KDM2B: variants seen among roughly 807,000 people sequenced by gnomAD.
KDM2B encodes the protein lysine-specific demethylase 2B.
In KDM2B, 26 loss-of-function variants were observed where a neutral mutation model predicts 150.0. That is an observed-to-expected ratio of 0.17 (90% CI 0.13 to 0.24). The LOEUF is 0.24. KDM2B is among the 10% of genes least tolerant of loss of function. The pLI is 1.00. For missense variants in KDM2B, 1,265 were observed against 1,816.9 expected, an observed-to-expected ratio of 0.70 and a Z score of 5.52; for synonymous variants, 734 against 729.5, an observed-to-expected ratio of 1.01 and a Z score of -0.10.
intron 21 of KDM2B, 21 bp downstream of exon 21, chr12:121,440,795 A>G (rs1227331644): frequency 1.3e-6 from 2 of 1,587,446 alleles, no homozygotes; most frequent in African/African-American, 1.4e-5. Context: ...CCCCACAGAA[A>G]CCCCCAGCCT....
At chr12:121,579,640 C>T (rs1555317544) in intron 1 of KDM2B, 2 of 1,339,904 alleles carry the variant, frequency 1.5e-6, no homozygotes, top group Middle Eastern at 2.0e-4. Context: ...CCCACAAGCG[C>T]GCGCGCACAC....
intron 8 of KDM2B, among the ~76,000 whole-genome samples, chr12:121,528,825 G>A (rs1325566938): frequency 2.0e-5 from 3 of 152,164 alleles, no homozygotes; most frequent in Non-Finnish European, 2.9e-5. Context: ...CTTGGGAGGC[G>A]GAGGTTACAG....
intron 12 of KDM2B, chr12:121,470,496 C>T (rs1316954005): frequency 1.3e-5 from 2 of 152,232 alleles, no homozygotes; most frequent in African/African-American, 2.4e-5. Context: ...TCCAAGGGCC[C>T]AGGCAATAAC....
chr12:121,481,452 A>C (rs1555297853), intron 12 of KDM2B, among the ~76,000 whole-genome samples: 1 of 151,718 alleles, frequency 6.6e-6, no homozygotes, highest in Admixed American at 6.6e-5. Flanking sequence ...AGGTCACCTA[A>C]ATTTGAGGGA....
chr12:121,444,955 G>A (rs1555289797), intron 14 of KDM2B: 1 of 414,840 alleles, frequency 2.4e-6, no homozygotes, highest in Non-Finnish European at 4.4e-6. Flanking sequence ...CCAGAAGCCT[G>A]GAGCCACCTG....
At chr12:121,576,159 A>G (rs1891478637) in intron 2 of KDM2B, among the ~76,000 whole-genome samples, 1 of 152,124 alleles carries the variant, frequency 6.6e-6, no homozygotes, top group African/African-American at 2.4e-5. Context: ...GGGGAGGAAG[A>G]CTCAAAAGAG....
At chr12:121,493,845 A>G (rs1407084317) in intron 12 of KDM2B, 1 of 150,942 alleles carries the variant, frequency 6.6e-6, no homozygotes, top group Non-Finnish European at 1.5e-5. Context: ...TTGATTAGAC[A>G]TTTTTTTTTT....
chr12:121,516,684 C>T lies in KDM2B; in HGVS notation c.1048-3282G>A, dbSNP rs1886226453. The T allele has an allele frequency of 7.8e-6, 5 of 638,922 alleles. No homozygotes were observed. The South Asian group carries it at 9.9e-5, about 13-fold the overall frequency. 39.6% of individuals were successfully genotyped at this position (638,922 alleles called of 1,614,324 possible). A position where few individuals can be genotyped will look rare whatever the true frequency, so the allele number is the denominator to read the frequency against. ...ATCCGTCTACCAGAGGACCTCAGGG[C>T]CCACTCAGCGGCACCTGGCCTCAGC... On this transcript the variant is annotated intron_variant, in intron 9 of 22. Transcript: ENST00000377071.
At chr12:121,534,850 C>T (rs1189726825) in intron 6 of KDM2B, among the ~76,000 whole-genome samples, 1 of 152,136 alleles carries the variant, frequency 6.6e-6, no homozygotes, top group South Asian at 2.1e-4. Flanking sequence ...CAGGTTCTTG[C>T]GAGAAGTGGC....
At chr12:121,414,549 G>A in the KDM2B span, among the ~76,000 whole-genome samples, 2 of 152,166 alleles carry the variant, frequency 1.3e-5, no homozygotes, top group African/African-American at 2.4e-5. Flanking sequence ...CATTAGTTCT[G>A]GGCCATTTAG....
At chr12:121,477,848 G>C (rs1239382105) in intron 12 of KDM2B, among the ~76,000 whole-genome samples, 1 of 151,916 alleles carries the variant, frequency 6.6e-6, no homozygotes, top group African/African-American at 2.4e-5. Context: ...AAAGTGCTAG[G>C]ATTACAGGTG....
intron 13 of KDM2B, among the ~76,000 whole-genome samples, chr12:121,446,120 G>T (rs753937566): frequency 2.6e-5 from 4 of 152,238 alleles, no homozygotes; most frequent in Non-Finnish European, 5.9e-5. Flanking sequence ...ACCAGGCCGG[G>T]CGCGGTGGCT....
In KDM2B at chr12:121,533,334, G is replaced by A. The variant is rs1376663690; in HGVS notation, c.778-375C>T. 6.6e-6 allele frequency among the ~76,000 whole-genome samples: 1 copy of A among 152,226 alleles called. No individual in the cohort carries two copies. On this transcript the variant is annotated intron_variant, in intron 7 of 22. Coordinates refer to ENST00000377071, the MANE Select transcript of KDM2B (RefSeq NM_032590.5). This position sits in a 1 kb window ranked among gnomAD's most constrained non-coding sequence, Gnocchi z 4.1. ...ATAGCCCAGTAAATAAACCCAGCTT[G>A]TGCATACTTTGGAGGAGGAGGAAAA...
intron 12 of KDM2B, among the ~76,000 whole-genome samples, chr12:121,461,606 G>A (rs1879130062): frequency 6.6e-6 from 1 of 152,146 alleles, no homozygotes; most frequent in African/African-American, 2.4e-5. Flanking sequence ...GGAGGACTTT[G>A]AGGTTTCCGA....
chr12:121,422,436 T>C, the KDM2B span, among the ~76,000 whole-genome samples: 13 of 152,370 alleles, frequency 8.5e-5, no homozygotes, highest in African/African-American at 3.1e-4. Context: ...GATTTCATCT[T>C]GAGTTGCCTA....
At chr12:121,499,512 A>G (rs943757416) in intron 11 of KDM2B, among the ~76,000 whole-genome samples, 1 of 152,082 alleles carries the variant, frequency 6.6e-6, no homozygotes, top group Non-Finnish European at 1.5e-5. Flanking sequence ...TTAGCTGGGC[A>G]TGGTGGTGTG....
intron 4 of KDM2B, among the ~76,000 whole-genome samples, chr12:121,565,179 G>C (rs1261714855): frequency 6.6e-6 from 1 of 151,610 alleles, no homozygotes; most frequent in Non-Finnish European, 1.5e-5. Flanking sequence ...ACTTATCACA[G>C]AGTGAGTCCT....
In KDM2B at chr12:121,467,073, G is replaced by C. The variant is rs1555294957; in HGVS notation, c.1735-13729C>G. 1 of 782,470 alleles carries C rather than the reference G, an allele frequency of 1.3e-6. No individual in the cohort carries two copies. Among genetic ancestry groups the C allele is most frequent in the Non-Finnish European group, 1.6e-6 (1 of 621,762 alleles). The allele number at this position is 782,470 out of a possible 1,614,324, so 48.5% of individuals were successfully genotyped here. A position where few individuals can be genotyped will look rare whatever the true frequency, so the allele number is the denominator to read the frequency against. On this transcript the variant is annotated intron_variant, in intron 12 of 22. Coordinates refer to ENST00000377071, the MANE Select transcript of KDM2B (RefSeq NM_032590.5). This position sits in a 1 kb window ranked among gnomAD's most constrained non-coding sequence, Gnocchi z 5.1. ...TTCTCCTCATCGCGGCGGCGGCGGC[G>C]TCGCGGCCGCCCTCGGCGCGTCAGA...
At chr12:121,512,541 G>C (rs938633117) in intron 10 of KDM2B, among the ~76,000 whole-genome samples, 1 of 152,044 alleles carries the variant, frequency 6.6e-6, no homozygotes, top group South Asian at 2.1e-4. Context: ...AAGATGCAGT[G>C]TCTGAGATGC....
Sources: gnomAD v4.1 joint callset for allele counts (sites outside exome capture counted in the v4.1 genomes callset) on GRCh38, gnomAD v4.1.1 for gene constraint, Gnocchi (gnomAD v3.1) non-coding constraint, MANE v1.5 for transcripts, NCBI Gene and HGNC (gene_info 2026-07-23, HGNC 2026-07-21) for gene names.